ZFP64: variants seen among roughly 807,000 people sequenced by gnomAD.
ZFP64 encodes the protein zinc finger protein 64.
ZFP64 carries 14 observed loss-of-function variants against 51.6 expected under a neutral mutation model. The ratio of observed to expected loss-of-function variants is 0.27; its 90% CI spans 0.18 to 0.42. The LOEUF is 0.42. Ranked by LOEUF, ZFP64 falls within the 10% of genes least tolerant of loss-of-function variation. The pLI, the probability that ZFP64 is intolerant of heterozygous loss-of-function variation, is 1.00. For synonymous variants in ZFP64, 375 were observed against 361.4 expected, an observed-to-expected ratio of 1.04 and a Z score of -0.43; for missense variants, 754 against 906.8, an observed-to-expected ratio of 0.83 and a Z score of 2.16.
At chr20:52,092,541 G>A (rs531495740) in intron 7 of ZFP64, among the ~76,000 whole-genome samples, 7 of 152,116 alleles carry the variant, frequency 4.6e-5, no homozygotes, top group Non-Finnish European at 8.8e-5. Flanking sequence ...GTAAAACTGC[G>A]AAGTCTGGAT....
intron 5 of ZFP64, chr20:52,111,167 G>A (rs1169545492): frequency 1.1e-5 from 7 of 655,326 alleles, no homozygotes; most frequent in South Asian, 6.8e-5. Context: ...TGGGGAAGCC[G>A]TAGTGGAGAA....
At chr20:52,177,643 C>T (rs561488613) in intron 2 of ZFP64, among the ~76,000 whole-genome samples, 20 of 152,068 alleles carry the variant, frequency 1.3e-4, no homozygotes, top group Non-Finnish European at 2.1e-4. Flanking sequence ...GAAAGAACTC[C>T]GCACCTTTGA....
At chr20:52,102,612 T>C (rs372681203) in intron 5 of ZFP64, among the ~76,000 whole-genome samples, 1 of 152,182 alleles carries the variant, frequency 6.6e-6, no homozygotes, top group African/African-American at 2.4e-5. Flanking sequence ...AGGGTTTTAA[T>C]TCCACAGAAG....
rs765145592 is a variant in ZFP64, at chr20:52,153,259, G to T, written c.933C>A (p.Ser311Arg). The change falls in exon 6 of 6, where the codon AGC (serine) becomes AGA (arginine). Residue 311 changes from serine to arginine, a missense_variant. Coordinates refer to ENST00000216923, the MANE Select transcript of ZFP64 (RefSeq NM_018197.3). The surrounding 1 kb of genome is among the most constrained non-coding windows in gnomAD (Gnocchi z 5.1). ...AATGAGGACACTTGAAGTTATTCCC[G>T]CTGTGCTTGATACGGATGTGCGACT... Reference protein sequence around the residue: ...NLKSHIRIKHSGNNFKCPHCD... With the variant: ...NLKSHIRIKHRGNNFKCPHCD... The T allele has an allele frequency of 6.2e-7, 1 of 1,614,082 alleles. No homozygotes were observed. Among genetic ancestry groups the T allele is most frequent in the Admixed American group, 1.7e-5 (1 of 60,006 alleles).
intron 4 of ZFP64, among the ~76,000 whole-genome samples, chr20:52,162,579 A>G (rs1327396148): frequency 6.6e-6 from 1 of 152,056 alleles, no homozygotes; most frequent in African/African-American, 2.4e-5. Context: ...GTGAACCAAG[A>G]TCGCGCCACT....
intron 1 of ZFP64, among the ~76,000 whole-genome samples, chr20:52,190,944 C>A (rs1015698114): frequency 6.6e-6 from 1 of 152,118 alleles, no homozygotes; most frequent in African/African-American, 2.4e-5. Context: ...CTCTCGCTCC[C>A]AGGTGGCTGG....
At chr20:52,190,990 A>G (rs1485396525) in intron 1 of ZFP64, among the ~76,000 whole-genome samples, 3 of 152,108 alleles carry the variant, frequency 2.0e-5, no homozygotes, top group Non-Finnish European at 4.4e-5. Context: ...TTGGGAAACA[A>G]TGCACCGGGA....
chr20:52,142,581 C>T (rs6021734), intron 5 of ZFP64, among the ~76,000 whole-genome samples: 54,962 of 151,534 alleles, frequency 0.36, 10,719 homozygotes, highest in Non-Finnish European at 0.42. Flanking sequence ...GTGGCGCATG[C>T]CTGTAATCCC....
intron 5 of ZFP64, among the ~76,000 whole-genome samples, chr20:52,099,620 G>A (rs73270805): frequency 0.075 from 11,343 of 152,198 alleles, 514 homozygotes; most frequent in East Asian, 0.13. Flanking sequence ...TGTGAAAATG[G>A]AATTAGAGTT....
intron 5 of ZFP64, among the ~76,000 whole-genome samples, chr20:52,109,996 AT>A (rs1385886999): frequency 6.6e-6 from 1 of 151,860 alleles, no homozygotes; most frequent in Non-Finnish European, 1.5e-5. Context: ...CTTTGTCCTG[AT>A]TTTTTCTTTT....
chr20:52,180,829 A>G (rs75400534), intron 2 of ZFP64, among the ~76,000 whole-genome samples: 3,416 of 152,334 alleles, frequency 0.022, 121 homozygotes, highest in African/African-American at 0.078. Context: ...GCCCAAGGTC[A>G]CATGGTCAGC....
intron 7 of ZFP64, chr20:52,097,291 G>A (rs937655211): frequency 4.0e-6 from 6 of 1,493,824 alleles, no homozygotes; most frequent in African/African-American, 1.4e-5. Context: ...AGACTGTCCT[G>A]TTCATTACTG....
In ZFP64 at chr20:52,191,664, G is replaced by A; in HGVS notation, c.-28C>T. The stretch of plus-strand genomic sequence containing the variant: ...CCGCAGACTGGGAGGTCCCCGGCCG[G>A]CCGGGATGCCAAAGTGGGGGACGCT... On this transcript the variant is annotated 5_prime_UTR_variant, in exon 1 of 6. Transcript: ENST00000216923. The surrounding 1 kb of genome is among the most constrained non-coding windows in gnomAD (Gnocchi z 4.3). 1 of 1,572,334 alleles carries A rather than the reference G, an allele frequency of 6.4e-7. No homozygotes were observed. Among genetic ancestry groups the A allele is most frequent in the South Asian group, 1.2e-5 (1 of 85,688 alleles).
At chr20:52,106,892 T>A (rs1276072952) in intron 5 of ZFP64, among the ~76,000 whole-genome samples, 2 of 151,774 alleles carry the variant, frequency 1.3e-5, no homozygotes, top group Non-Finnish European at 2.9e-5. Flanking sequence ...AGGTTAGGAG[T>A]TCTAGACCAG....
At chr20:52,119,689 T>C (rs1276222254) in intron 5 of ZFP64, among the ~76,000 whole-genome samples, 3 of 149,676 alleles carry the variant, frequency 2.0e-5, no homozygotes, top group African/African-American at 7.4e-5. Context: ...TGCTTGAACC[T>C]GGGAGGCGGA....
At chr20:52,087,776 A>C (rs886986814) in intron 8 of ZFP64, among the ~76,000 whole-genome samples, 1 of 152,184 alleles carries the variant, frequency 6.6e-6, no homozygotes, top group Non-Finnish European at 1.5e-5. Context: ...TATTGGCTGG[A>C]AACTTTGGCT....
chr20:52,156,008 T>C (rs1182301703), intron 5 of ZFP64, among the ~76,000 whole-genome samples: 1 of 152,142 alleles, frequency 6.6e-6, no homozygotes, highest in Non-Finnish European at 1.5e-5. Context: ...ACACTGAAAT[T>C]TTTGAAAAAC....
chr20:52,098,185 A>AG (rs1178429204), intron 6 of ZFP64, among the ~76,000 whole-genome samples: 9 of 151,842 alleles, frequency 5.9e-5, no homozygotes, highest in South Asian at 4.2e-4. Flanking sequence ...AAAAAAAAAA[A>AG]AAAAGAGTCC....
At chr20:52,106,902 G>C (rs1978323357) in intron 5 of ZFP64, among the ~76,000 whole-genome samples, 1 of 152,166 alleles carries the variant, frequency 6.6e-6, no homozygotes, top group Non-Finnish European at 1.5e-5. Context: ...TTCTAGACCA[G>C]CCTGGCCAAC....
Sources: gnomAD v4.1 joint callset for allele counts (sites outside exome capture counted in the v4.1 genomes callset) on GRCh38, gnomAD v4.1.1 for gene constraint, Gnocchi (gnomAD v3.1) non-coding constraint, MANE v1.5 for transcripts, NCBI Gene and HGNC (gene_info 2026-07-23, HGNC 2026-07-21) for gene names.